The following OR9Q1 variants were observed in gnomAD, a reference collection of about 807,000 sequenced individuals.
The protein encoded by OR9Q1 is olfactory receptor 9Q1.
For missense variants in OR9Q1, 374 were observed against 378.8 expected (o/e 0.99, Z 0.11); for synonymous variants, 153 against 148.6 (o/e 1.03, Z -0.22).
intron 2 of OR9Q1, among the ~76,000 whole-genome samples, chr11:58,177,726 CA>C (rs2119969875): frequency 6.6e-6 from 1 of 152,282 alleles, no homozygotes; most frequent in Non-Finnish European, 1.5e-5. Context: ...AACACTTTCA[CA>C]AAAATAAAAG....
chr11:58,170,129 A>C (rs1405178260), intron 2 of OR9Q1, among the ~76,000 whole-genome samples: 1 of 152,148 alleles, frequency 6.6e-6, no homozygotes, highest in Admixed American at 6.6e-5. Context: ...ATGGCTTACC[A>C]TAAATTATCC....
At chr11:58,032,821 T>C (rs947457352) in intron 1 of OR9Q1, among the ~76,000 whole-genome samples, 1 of 152,106 alleles carries the variant, frequency 6.6e-6, no homozygotes, top group African/African-American at 2.4e-5. Context: ...GACAAACAGG[T>C]AAACTACCAA....
chr11:58,042,024 C>T (rs921448231), intron 1 of OR9Q1, among the ~76,000 whole-genome samples: 1 of 152,212 alleles, frequency 6.6e-6, no homozygotes. Flanking sequence ...AATTAATTTA[C>T]AGATTTATTC....
At chr11:58,115,042 A>G (rs909952603) in intron 2 of OR9Q1, among the ~76,000 whole-genome samples, 5 of 152,152 alleles carry the variant, frequency 3.3e-5, no homozygotes, top group African/African-American at 1.2e-4. Flanking sequence ...GGCATTCTTC[A>G]GTTTAATCAC....
intron 1 of OR9Q1, among the ~76,000 whole-genome samples, chr11:58,024,427 C>G (rs539631216): frequency 6.6e-6 from 1 of 152,232 alleles, no homozygotes; most frequent in South Asian, 2.1e-4. Flanking sequence ...GGACTAGGCC[C>G]CCAGATGCCA....
At position 58,122,260 on chromosome 11, in the gene OR9Q1, G is replaced by A. The variant is rs183666269; in HGVS notation, c.-14-57171G>A. On this transcript the variant is annotated intron_variant, in intron 2 of 2. Coordinates refer to ENST00000335397, the MANE Select transcript of OR9Q1 (RefSeq NM_001005212.4). ...TGGGAGAGAGACATTGACAGATCAC[G>A]TCAAACATGTCCCAGGGCTATTCCA... 2.4e-3 allele frequency among the ~76,000 whole-genome samples: 365 copies of A among 152,236 alleles called. 5 individuals are homozygous for A. The highest frequency in any genetic ancestry group is 8.2e-3 in the African/African-American group (342 of 41,528).
At chr11:58,109,431 G>T in intron 2 of OR9Q1, 3 of 460,296 alleles carry the variant, frequency 6.5e-6, no homozygotes, top group Non-Finnish European at 1.3e-5. Context: ...TCTGAGGGGT[G>T]ATTACTGAGG....
intron 2 of OR9Q1, chr11:58,118,934 C>T (rs201471226): frequency 6.2e-7 from 1 of 1,613,964 alleles, no homozygotes; most frequent in Admixed American, 1.7e-5. Flanking sequence ...ATTTGATTGT[C>T]CTTACAGAAG....
intron 2 of OR9Q1, among the ~76,000 whole-genome samples, chr11:58,166,388 T>C (rs940926050): frequency 1.3e-5 from 2 of 152,206 alleles, no homozygotes; most frequent in African/African-American, 4.8e-5. Flanking sequence ...CAAACATTTA[T>C]TTACTTTTTG....
intron 1 of OR9Q1, chr11:58,044,051 T>G (rs1486225453): frequency 6.6e-6 from 1 of 152,222 alleles, no homozygotes; most frequent in African/African-American, 2.4e-5. Context: ...TAAACATTTA[T>G]GAAATGCCTA....
intron 2 of OR9Q1, among the ~76,000 whole-genome samples, chr11:58,062,503 C>T (rs117397873): frequency 8.1e-4 from 123 of 152,222 alleles, no homozygotes; most frequent in East Asian, 7.2e-3. Flanking sequence ...AATCTAAATT[C>T]GTTTTCCTAA....
At chr11:58,161,931 G>C (rs375720136) in intron 2 of OR9Q1, among the ~76,000 whole-genome samples, 1 of 152,140 alleles carries the variant, frequency 6.6e-6, no homozygotes, top group African/African-American at 2.4e-5. Context: ...GCAAGCTCAA[G>C]GTTCCTCAAA....
chr11:58,143,859 C>CAAATA (rs910787004), intron 2 of OR9Q1, among the ~76,000 whole-genome samples: 15 of 151,840 alleles, frequency 9.9e-5, no homozygotes, highest in African/African-American at 2.9e-4. Context: ...CAGAACTTAA[C>CAAATA]AAATAAAATA....
chr11:58,053,634 A>ATATATTG (rs1565062186), intron 1 of OR9Q1, among the ~76,000 whole-genome samples: 1 of 144,676 alleles, frequency 6.9e-6, no homozygotes, highest in African/African-American at 2.5e-5. Flanking sequence ...TATAAAATAT[A>ATATATTG]TATATATATA....
intron 2 of OR9Q1, chr11:58,108,589 C>T (rs998759923): frequency 1.3e-5 from 2 of 159,134 alleles, no homozygotes; most frequent in Non-Finnish European, 2.7e-5. Flanking sequence ...TAGTTCCTGC[C>T]CACTTACAGG....
At chr11:58,146,682 G>A (rs1046269124) in intron 2 of OR9Q1, among the ~76,000 whole-genome samples, 27 of 152,148 alleles carry the variant, frequency 1.8e-4, no homozygotes, top group Non-Finnish European at 5.9e-5. Flanking sequence ...GCCTAATTTG[G>A]TGTGGTCAGA....
At chr11:58,031,166 G>A in intron 1 of OR9Q1, 1 of 1,614,170 alleles carries the variant, frequency 6.2e-7, no homozygotes, top group Non-Finnish European at 8.5e-7. Flanking sequence ...GTCCTGCCTT[G>A]AAATCTGGTA....
At chr11:58,139,806 G>A (rs1481436314) in intron 2 of OR9Q1, among the ~76,000 whole-genome samples, 6 of 152,004 alleles carry the variant, frequency 3.9e-5, no homozygotes, top group Non-Finnish European at 8.8e-5. Context: ...CCCAGTAATG[G>A]GATGGCTGGG....
chr11:58,060,231 C>G (rs1223854431), intron 2 of OR9Q1: 1 of 152,218 alleles, frequency 6.6e-6, no homozygotes, highest in Non-Finnish European at 1.5e-5. Context: ...GCCCCTTCAT[C>G]TGGGTTTTTC....
Sources: allele counts gnomAD v4.1 joint callset (sites outside exome capture counted in the v4.1 genomes callset), GRCh38; gene constraint gnomAD v4.1.1; transcripts MANE v1.5; gene names NCBI Gene and HGNC (gene_info 2026-07-23, HGNC 2026-07-21).